The following SH3PXD2A variants were observed in gnomAD, a reference collection of about 807,000 sequenced individuals.
The protein encoded by SH3PXD2A is SH3 and PX domain-containing protein 2A.
In SH3PXD2A, 32 loss-of-function variants were observed where a neutral mutation model predicts 115.2. That is an observed-to-expected ratio of 0.28 (90% CI 0.21 to 0.37). The LOEUF (loss-of-function observed/expected upper bound fraction) is 0.37. Among genes scored for constraint, SH3PXD2A ranks in the 10% least tolerant of loss-of-function variants. The pLI is 1.00. For synonymous variants in SH3PXD2A, 610 were observed against 629.1 expected, an observed-to-expected ratio of 0.97 and a Z score of 0.45; for missense variants, 1,328 against 1,498.7, an observed-to-expected ratio of 0.89 and a Z score of 1.88.
chr10:103,662,148 G>A (rs911475223), intron 7 of SH3PXD2A, among the ~76,000 whole-genome samples: 18 of 152,274 alleles, frequency 1.2e-4, no homozygotes, highest in African/African-American at 3.4e-4. Context: ...GGGTGCAGCA[G>A]AGGGAGGGCA....
At chr10:103,694,014 C>T (rs1258513332) in intron 5 of SH3PXD2A, among the ~76,000 whole-genome samples, 2 of 152,162 alleles carry the variant, frequency 1.3e-5, no homozygotes, top group African/African-American at 2.4e-5. Context: ...TCCTTATCTC[C>T]CCACTCCTCC....
chr10:103,616,648 T>C (rs1027539678), intron 11 of SH3PXD2A, among the ~76,000 whole-genome samples: 1 of 152,208 alleles, frequency 6.6e-6, no homozygotes, highest in African/African-American at 2.4e-5. Context: ...TGACTTCTGC[T>C]CCAGCCCTTG....
At chr10:103,855,153 C>A in intron 1 of SH3PXD2A, 42 bp downstream of exon 1, 1 of 1,461,116 alleles carries the variant, frequency 6.8e-7, no homozygotes. Context: ...CCTCCCGGGA[C>A]CTCGGGCCAC....
chr10:103,718,631 C>T (rs2038137237), intron 5 of SH3PXD2A, among the ~76,000 whole-genome samples: 2 of 152,180 alleles, frequency 1.3e-5, no homozygotes, highest in Admixed American at 6.5e-5. Context: ...ATAACATCAC[C>T]TTCGTGGGTG....
At chr10:103,604,707 GA>G (rs2036274043) in intron 14 of SH3PXD2A, among the ~76,000 whole-genome samples, 1 of 152,212 alleles carries the variant, frequency 6.6e-6, no homozygotes, top group Non-Finnish European at 1.5e-5. Flanking sequence ...CCCACTAGAA[GA>G]GAAAGATTTT....
chr10:103,613,011 T>A lies in SH3PXD2A; in HGVS notation c.1100A>T (p.Glu367Val). ...GDKETPPAEG[E>V]GHEAPIAKKE... ...CTTGGCAATGGGGGCCTCATGGCCC[T>A]CGCCTTCGGCTGGTGGAGTTTCCTT... The change falls in exon 12 of 15, where the codon GAG (glutamate) becomes GTG (valine). Residue 367 changes from glutamate (E) to valine (V), a missense_variant. Around this residue, in one of 5 missense-constraint regions of SH3PXD2A, gnomAD observed 509 missense variants for 628.3 expected, o/e 0.81. Transcript: ENST00000369774. 1 of 1,614,248 alleles carries A rather than the reference T, an allele frequency of 6.2e-7. No homozygotes were observed. The highest frequency in any genetic ancestry group is 8.5e-7 in the Non-Finnish European group (1 of 1,180,030).
chr10:103,838,716 G>T (rs1362137171), intron 1 of SH3PXD2A, among the ~76,000 whole-genome samples: 1 of 152,204 alleles, frequency 6.6e-6, no homozygotes, highest in Non-Finnish European at 1.5e-5. Flanking sequence ...TAACAGCTCG[G>T]TCCTAAGTGG....
At chr10:103,760,726 T>C (rs182993313) in intron 3 of SH3PXD2A, among the ~76,000 whole-genome samples, 12 of 152,188 alleles carry the variant, frequency 7.9e-5, no homozygotes, top group African/African-American at 2.6e-4. Context: ...AATATGTTTT[T>C]TGTTTGTTCG....
chr10:103,652,066 C>T (rs2037133058), intron 8 of SH3PXD2A, among the ~76,000 whole-genome samples: 1 of 152,210 alleles, frequency 6.6e-6, no homozygotes, highest in Non-Finnish European at 1.5e-5. Flanking sequence ...CCATGGTGCT[C>T]CTGGGCCACT....
chr10:103,815,747 G>C (rs917380971), intron 1 of SH3PXD2A, among the ~76,000 whole-genome samples: 2 of 151,812 alleles, frequency 1.3e-5, no homozygotes, highest in Non-Finnish European at 2.9e-5. Flanking sequence ...GAAGTAGCTG[G>C]GTGTGGTGGC....
intron 3 of SH3PXD2A, chr10:103,749,873 C>T (rs1408155201): frequency 6.6e-6 from 1 of 152,244 alleles, no homozygotes; most frequent in Non-Finnish European, 1.5e-5. Context: ...AGGCCTCTGC[C>T]AGCAGCCAGC....
chr10:103,767,751 T>G (rs1392946249), intron 2 of SH3PXD2A, among the ~76,000 whole-genome samples: 1 of 149,848 alleles, frequency 6.7e-6, no homozygotes, highest in African/African-American at 2.5e-5. Context: ...GTCGCTGCTG[T>G]TTTTCCAAGG....
intron 5 of SH3PXD2A, among the ~76,000 whole-genome samples, chr10:103,718,364 C>G (rs908561652): frequency 1.5e-4 from 23 of 152,180 alleles, no homozygotes; most frequent in Non-Finnish European, 2.9e-4. Flanking sequence ...GACCAAGGGT[C>G]TCCTCATCCC....
At chr10:103,797,796 A>T (rs2134260075) in intron 2 of SH3PXD2A, among the ~76,000 whole-genome samples, 1 of 152,154 alleles carries the variant, frequency 6.6e-6, no homozygotes, top group African/African-American at 2.4e-5. Context: ...AAATGGAAAA[A>T]CCAAAGAGTG....
At chr10:103,771,975 A>G (rs1045282021) in intron 2 of SH3PXD2A, among the ~76,000 whole-genome samples, 4 of 152,116 alleles carry the variant, frequency 2.6e-5, no homozygotes, top group Admixed American at 2.0e-4. Context: ...TCCGTCAGTC[A>G]TCCCCCACCC....
At chr10:103,716,777 T>C (rs770884340) in intron 5 of SH3PXD2A, among the ~76,000 whole-genome samples, 1 of 152,244 alleles carries the variant, frequency 6.6e-6, no homozygotes, top group African/African-American at 2.4e-5. Flanking sequence ...CAAAGGCATG[T>C]GTGCCCACCC....
At chr10:103,826,597 A>G (rs1199114125) in intron 1 of SH3PXD2A, among the ~76,000 whole-genome samples, 3 of 152,216 alleles carry the variant, frequency 2.0e-5, no homozygotes, top group Admixed American at 2.0e-4. Context: ...ATTCTGATGG[A>G]ACTGGCTGTC....
chr10:103,657,289 C>G (rs971273338), intron 8 of SH3PXD2A, among the ~76,000 whole-genome samples: 10 of 152,046 alleles, frequency 6.6e-5, no homozygotes, highest in Non-Finnish European at 2.9e-5. Context: ...AGAAACAATC[C>G]TAGGAAGTTG....
At chr10:103,743,450 ACT>A (rs998639677) in intron 3 of SH3PXD2A, among the ~76,000 whole-genome samples, 22 of 151,390 alleles carry the variant, frequency 1.5e-4, no homozygotes, top group African/African-American at 5.3e-4. Context: ...GAGTGCAGTG[ACT>A]CTATCATGGC....
Sources: gnomAD v4.1 joint callset for allele counts (sites outside exome capture counted in the v4.1 genomes callset) on GRCh38, gnomAD v4.1.1 for gene constraint, gnomAD v4.1.1 regional missense constraint, MANE v1.5 for transcripts, NCBI Gene and HGNC (gene_info 2026-07-23, HGNC 2026-07-21) for gene names.